MLLT3: variants seen among roughly 807,000 people sequenced by gnomAD.
MLLT3 encodes the protein MLLT3 super elongation complex subunit, also known as protein AF-9.
In MLLT3, 4 loss-of-function variants were observed where a neutral mutation model predicts 53.2. That is an observed-to-expected ratio of 0.08 (90% CI 0.04 to 0.17). The LOEUF (loss-of-function observed/expected upper bound fraction) is 0.17, where lower values mean the gene tolerates loss of function less well. Ranked by LOEUF, MLLT3 falls within the 10% of genes least tolerant of loss-of-function variation. MLLT3 has a pLI of 1.00. For synonymous variants in MLLT3, 283 were observed against 230.6 expected (o/e 1.23, Z -2.06); for missense variants, 569 against 684.0 (o/e 0.83, Z 1.87).
At chr9:20,432,037 T>A (rs1041778642) in intron 4 of MLLT3, among the ~76,000 whole-genome samples, 4 of 152,040 alleles carry the variant, frequency 2.6e-5, no homozygotes, top group Non-Finnish European at 1.5e-5. Flanking sequence ...ATACAGATAG[T>A]TAGAGTGGTT....
intron 2 of MLLT3, among the ~76,000 whole-genome samples, chr9:20,469,469 A>G (rs1586973062): frequency 6.6e-6 from 1 of 152,150 alleles, no homozygotes; most frequent in Non-Finnish European, 1.5e-5. Flanking sequence ...GCACCCTGCC[A>G]CTATGCAGTC....
intron 2 of MLLT3, among the ~76,000 whole-genome samples, chr9:20,551,538 T>C (rs1003398902): frequency 6.6e-6 from 1 of 152,218 alleles, no homozygotes; most frequent in African/African-American, 2.4e-5. Context: ...GTCATGAATG[T>C]AACAATCAGC....
chr9:20,426,383 G>A (rs1823138891), intron 4 of MLLT3, among the ~76,000 whole-genome samples: 1 of 151,996 alleles, frequency 6.6e-6, no homozygotes. Flanking sequence ...CTGATAATTA[G>A]CCTTGATAAA....
intron 5 of MLLT3, among the ~76,000 whole-genome samples, chr9:20,399,316 T>A (rs1017683080): frequency 2.0e-5 from 3 of 152,140 alleles, no homozygotes; most frequent in African/African-American, 7.2e-5. Context: ...TATAAATACA[T>A]ACGCATATAT....
intron 4 of MLLT3, among the ~76,000 whole-genome samples, chr9:20,421,309 G>T (rs1186216250): frequency 6.6e-6 from 1 of 151,742 alleles, no homozygotes; most frequent in Non-Finnish European, 1.5e-5. Flanking sequence ...TAAATCAAAA[G>T]AAAACAATGA....
At chr9:20,488,405 T>A (rs1351232843) in intron 2 of MLLT3, among the ~76,000 whole-genome samples, 1 of 152,066 alleles carries the variant, frequency 6.6e-6, no homozygotes, top group Non-Finnish European at 1.5e-5. Context: ...AAAAAACTAA[T>A]AATCAAACTG....
intron 3 of MLLT3, among the ~76,000 whole-genome samples, chr9:20,454,420 C>G (rs80303181): frequency 0.017 from 2,523 of 152,300 alleles, 50 homozygotes; most frequent in African/African-American, 0.051. Flanking sequence ...CTGTTCAACT[C>G]CGAGCTTGTA....
chr9:20,518,120 C>A (rs899418928), intron 2 of MLLT3, among the ~76,000 whole-genome samples: 3 of 151,992 alleles, frequency 2.0e-5, no homozygotes, highest in Non-Finnish European at 4.4e-5. Context: ...CAGAGGCAGG[C>A]GGATCACCTG....
At chr9:20,407,806 G>A (rs1822623517) in intron 5 of MLLT3, among the ~76,000 whole-genome samples, 1 of 152,050 alleles carries the variant, frequency 6.6e-6, no homozygotes, top group Admixed American at 6.6e-5. Flanking sequence ...GTCTCGAGGG[G>A]TGAATGAGTT....
chr9:20,568,140 C>T (rs549273053), intron 2 of MLLT3, among the ~76,000 whole-genome samples: 1 of 151,970 alleles, frequency 6.6e-6, no homozygotes, highest in Non-Finnish European at 1.5e-5. Flanking sequence ...TAAAAGCATC[C>T]GCCACTGAGA....
At position 20,342,728 on chromosome 9, in the gene MLLT3, T is replaced by C. The variant is rs1183293344; in HGVS notation, c.*3715A>G. ...TCCAGCCCGAGACTAAACTAAACCA[T>C]GGGAATTGACTCCTTAACATTCACT... On this transcript the variant is annotated 3_prime_UTR_variant, in exon 11 of 11. Transcript: ENST00000380338. 4.9e-6 allele frequency: 1 copy of C among 203,056 alleles called. No individual in the cohort carries two copies. Among genetic ancestry groups the C allele is most frequent in the African/African-American group, 2.3e-5 (1 of 43,448 alleles). 12.6% of individuals were successfully genotyped at this position (203,056 alleles called of 1,614,324 possible). A position where few individuals can be genotyped will look rare whatever the true frequency, so the allele number is the denominator to read the frequency against.
chr9:20,531,017 A>C (rs1818318416), intron 2 of MLLT3, among the ~76,000 whole-genome samples: 1 of 151,620 alleles, frequency 6.6e-6, no homozygotes, highest in African/African-American at 2.4e-5. Context: ...TATATTTTTA[A>C]GATACTTCTA....
chr9:20,533,077 G>A (rs531755009), intron 2 of MLLT3: 35 of 248,650 alleles, frequency 1.4e-4, no homozygotes, highest in Non-Finnish European at 2.1e-4. Context: ...GCCCTGTGTC[G>A]TAAAATGGGG....
chr9:20,400,442 T>G (rs1259383214), intron 5 of MLLT3, among the ~76,000 whole-genome samples: 1 of 152,192 alleles, frequency 6.6e-6, no homozygotes, highest in East Asian at 1.9e-4. Flanking sequence ...AGTGGCTAGA[T>G]ATTTGATGAT....
intron 2 of MLLT3, among the ~76,000 whole-genome samples, chr9:20,567,819 C>T (rs1156565735): frequency 3.3e-5 from 5 of 152,142 alleles, no homozygotes; most frequent in Admixed American, 2.0e-4. Flanking sequence ...TGGCTTCTAA[C>T]CCTGAAACTA....
At chr9:20,516,101 G>A (rs1017592922) in intron 2 of MLLT3, among the ~76,000 whole-genome samples, 2 of 152,098 alleles carry the variant, frequency 1.3e-5, no homozygotes, top group African/African-American at 4.8e-5. Context: ...CCAGCTCCAG[G>A]AGTCTGTGAC....
intron 2 of MLLT3, among the ~76,000 whole-genome samples, chr9:20,490,816 T>C (rs775712340): frequency 2.0e-5 from 3 of 152,154 alleles, no homozygotes; most frequent in Non-Finnish European, 2.9e-5. Context: ...TCATCCTCCA[T>C]TTTACACATG....
At chr9:20,494,505 A>T (rs939010067) in intron 2 of MLLT3, among the ~76,000 whole-genome samples, 4 of 152,290 alleles carry the variant, frequency 2.6e-5, no homozygotes, top group African/African-American at 9.6e-5. Context: ...TTTTTTCCTA[A>T]CCTCAAAGTC....
chr9:20,523,445 A>T (rs1818118695), intron 2 of MLLT3, among the ~76,000 whole-genome samples: 1 of 152,260 alleles, frequency 6.6e-6, no homozygotes, highest in Non-Finnish European at 1.5e-5. Context: ...CTTTATTCAT[A>T]GTTGCCAAAA....
Sources: gnomAD v4.1 joint callset for allele counts (sites outside exome capture counted in the v4.1 genomes callset) on GRCh38, gnomAD v4.1.1 for gene constraint, MANE v1.5 for transcripts, NCBI Gene and HGNC (gene_info 2026-07-23, HGNC 2026-07-21) for gene names.